MNAT1: variants seen among roughly 807,000 people sequenced by gnomAD.
The protein encoded by MNAT1 is CDK-activating kinase assembly factor MAT1.
MNAT1 carries 43 observed loss-of-function variants against 42.0 expected under a neutral mutation model. That is an observed-to-expected ratio of 1.02 (90% CI 0.80 to 1.32). The LOEUF is 1.32. MNAT1 is among the 40% of genes most tolerant of loss of function. The pLI, the probability that MNAT1 is intolerant of heterozygous loss-of-function variation, is 0.00. For missense variants in MNAT1, 306 were observed against 350.4 expected (o/e 0.87, Z 1.01); for synonymous variants, 118 against 120.0 (o/e 0.98, Z 0.11).
chr14:60,796,370 G>C lies in MNAT1; in HGVS notation c.242+1G>C. ...AGATCAGGAAAAAAGTGCTAAAGAT[G>C]TAAGTATTCCTGCTCGAATGATTCA... On this transcript the variant is annotated splice_donor_variant, in intron 2 of 7. Coordinates refer to ENST00000261245, the MANE Select transcript of MNAT1 (RefSeq NM_002431.4). LOFTEE classifies it high-confidence loss of function. 6.2e-7 allele frequency: 1 copy of C among 1,610,914 alleles called. No individual in the cohort carries two copies.
At chr14:60,841,086 A>C (rs1467892052) in intron 6 of MNAT1, among the ~76,000 whole-genome samples, 3 of 152,074 alleles carry the variant, frequency 2.0e-5, no homozygotes, top group Non-Finnish European at 4.4e-5. Flanking sequence ...AGGTCAAGTT[A>C]CTTGATGTTA....
At position 60,969,424 on chromosome 14, in the gene MNAT1, G is replaced by A. The variant is rs2036741539; in HGVS notation, c.*1075G>A. On this transcript the variant is annotated 3_prime_UTR_variant, in exon 8 of 8. Coordinates refer to ENST00000261245, the MANE Select transcript of MNAT1 (RefSeq NM_002431.4). The stretch of plus-strand genomic sequence containing the variant: ...TTACATTAGGATGGACTATCCATCT[G>A]TAACAACTCCATCTTATTTTACTAA... The A allele has an allele frequency of 6.6e-6, 1 of 152,156 alleles. No individual in the cohort carries two copies. Among genetic ancestry groups the A allele is most frequent in the Middle Eastern group, 3.2e-3 (1 of 316 alleles). 9.4% of individuals were successfully genotyped at this position (152,156 alleles called of 1,614,324 possible). A position where few individuals can be genotyped will look rare whatever the true frequency, so the allele number is the denominator to read the frequency against.
intron 5 of MNAT1, among the ~76,000 whole-genome samples, chr14:60,818,497 G>T (rs913045251): frequency 1.3e-5 from 2 of 151,922 alleles, no homozygotes; most frequent in African/African-American, 2.4e-5. Flanking sequence ...AACTTTTAAT[G>T]TGGATTTTAT....
intron 7 of MNAT1, among the ~76,000 whole-genome samples, chr14:60,933,853 T>C (rs1410540566): frequency 6.6e-6 from 1 of 152,190 alleles, no homozygotes; most frequent in Non-Finnish European, 1.5e-5. Flanking sequence ...CTACGCACAT[T>C]GTCTGGAAGA....
At position 60,883,889 on chromosome 14, in the gene MNAT1, A is replaced by G. The variant is rs117249799; in HGVS notation, c.809+4054A>G. On this transcript the variant is annotated intron_variant, in intron 7 of 7. Transcript: ENST00000261245. ...GATTGTTCACTCTTGGCATATAGAAATGCTGCTGATTTTTGTGTGCTGATT... is the reference window on the plus strand; with the variant it reads ...GATTGTTCACTCTTGGCATATAGAAGTGCTGCTGATTTTTGTGTGCTGATT... Among the ~76,000 whole-genome samples the G allele has an allele frequency of 2.0e-4, 31 of 152,248 alleles. No individual in the cohort carries two copies. In the East Asian group the frequency reaches 6.0e-3, roughly 29 times the overall value.
chr14:60,928,679 A>T (rs566063834), intron 7 of MNAT1, among the ~76,000 whole-genome samples: 62 of 151,986 alleles, frequency 4.1e-4, no homozygotes, highest in Admixed American at 5.9e-4. Flanking sequence ...ACTCATTTTA[A>T]AGTTGGGTCA....
chr14:60,957,949 T>A (rs1166838056), intron 7 of MNAT1, among the ~76,000 whole-genome samples: 1 of 152,124 alleles, frequency 6.6e-6, no homozygotes, highest in African/African-American at 2.4e-5. Context: ...GTGATTCTCC[T>A]GCCCCAACCT....
chr14:60,947,390 C>A (rs2036299335), intron 7 of MNAT1, among the ~76,000 whole-genome samples: 1 of 152,146 alleles, frequency 6.6e-6, no homozygotes, highest in African/African-American at 2.4e-5. Flanking sequence ...TTAAAAGGTA[C>A]AATAATTTAT....
At position 60,890,160 on chromosome 14, in the gene MNAT1, A is replaced by C. The variant is rs148283562; in HGVS notation, c.809+10325A>C. Among the ~76,000 whole-genome samples, 862 of 152,328 alleles carry C rather than the reference A, an allele frequency of 5.7e-3. 8 individuals carry two copies. Among genetic ancestry groups the C allele is most frequent in the Non-Finnish European group, 9.7e-3 (662 of 68,032 alleles). ...TAAAGACACATGCACACATATGTTT[A>C]TTGCGGCACTATTCACAATAGCAAA... On this transcript the variant is annotated intron_variant, in intron 7 of 7. Transcript: ENST00000261245.
intron 7 of MNAT1, among the ~76,000 whole-genome samples, chr14:60,885,099 C>T (rs1037234596): frequency 6.6e-6 from 1 of 151,658 alleles, no homozygotes; most frequent in Admixed American, 6.6e-5. Flanking sequence ...TGTCTTTCTG[C>T]TTGTAGAATT....
intron 7 of MNAT1, among the ~76,000 whole-genome samples, chr14:60,954,087 G>C (rs999854052): frequency 6.6e-6 from 1 of 152,040 alleles, no homozygotes; most frequent in East Asian, 1.9e-4. Flanking sequence ...CCAGTACCAG[G>C]CTGTTTTGAT....
intron 7 of MNAT1, among the ~76,000 whole-genome samples, chr14:60,883,758 A>G (rs758930208): frequency 2.0e-5 from 3 of 151,942 alleles, no homozygotes; most frequent in Non-Finnish European, 2.9e-5. Flanking sequence ...TTTTTGCGTC[A>G]GTATTTTATA....
intron 7 of MNAT1, among the ~76,000 whole-genome samples, chr14:60,917,433 C>G (rs906747416): frequency 1.3e-5 from 2 of 151,970 alleles, no homozygotes; most frequent in African/African-American, 4.8e-5. Flanking sequence ...TTAAATATAG[C>G]GCAATCAAAT....
chr14:60,769,430 C>A (rs1336197139), intron 1 of MNAT1, among the ~76,000 whole-genome samples: 1 of 152,046 alleles, frequency 6.6e-6, no homozygotes, highest in Non-Finnish European at 1.5e-5. Context: ...TGCCATCAGG[C>A]CTGGCCAATT....
intron 1 of MNAT1, among the ~76,000 whole-genome samples, chr14:60,755,686 G>A (rs1422828780): frequency 3.3e-5 from 5 of 152,180 alleles, no homozygotes; most frequent in African/African-American, 9.7e-5. Flanking sequence ...TAAACCTAGC[G>A]CAGCCAGTTT....
intron 1 of MNAT1, among the ~76,000 whole-genome samples, chr14:60,749,733 G>C (rs1476797695): frequency 6.6e-6 from 1 of 152,096 alleles, no homozygotes; most frequent in Non-Finnish European, 1.5e-5. Flanking sequence ...TTAAGTTTCA[G>C]GAATCTTTTG....
chr14:60,871,419 G>A (rs1033816611), intron 6 of MNAT1, among the ~76,000 whole-genome samples: 1 of 152,128 alleles, frequency 6.6e-6, no homozygotes, highest in Non-Finnish European at 1.5e-5. Context: ...GTGTCCATGG[G>A]TTCCAGTTTC....
At chr14:60,750,006 G>C (rs941157675) in intron 1 of MNAT1, among the ~76,000 whole-genome samples, 1 of 152,036 alleles carries the variant, frequency 6.6e-6, no homozygotes, top group African/African-American at 2.4e-5. Context: ...AGAATCATCT[G>C]GGGTGCTTCT....
rs747406944 is a variant in MNAT1, at chr14:60,812,060, T to C, written c.494T>C (p.Ile165Thr). 5 of 1,605,932 alleles carry C rather than the reference T, an allele frequency of 3.1e-6. No homozygotes were observed. The highest frequency in any genetic ancestry group is 4.2e-6 in the Non-Finnish European group (5 of 1,177,398). Residue 165 changes from isoleucine to threonine, a missense_variant, in exon 5 of 8, where the codon ATA becomes ACA. This residue lies in a region of MNAT1 where 118 missense variants were observed against 99.8 expected (regional missense o/e 1.18). Coordinates refer to ENST00000261245, the MANE Select transcript of MNAT1 (RefSeq NM_002431.4). ...GAAAATGAACAAAGAAGATTATTTA[T>C]ACAAAAAGAAGAACAACTGCAGCAG... ...RQENEQRRLFIQKEEQLQQIL... is the reference protein window; with the variant it reads ...RQENEQRRLFTQKEEQLQQIL...
Sources: allele counts gnomAD v4.1 joint callset (sites outside exome capture counted in the v4.1 genomes callset), GRCh38; gene constraint gnomAD v4.1.1; regional missense constraint gnomAD v4.1.1; transcripts MANE v1.5; gene names NCBI Gene and HGNC (gene_info 2026-07-23, HGNC 2026-07-21).